Variants in MTTP observed in about 807,000 individuals in gnomAD.
The protein encoded by MTTP is microsomal triglyceride transfer protein large subunit.
In MTTP, 49 loss-of-function variants were observed where a neutral mutation model predicts 90.6. The observed-to-expected ratio is 0.54, with a 90% CI of 0.43 to 0.69. The LOEUF is 0.69. Among genes scored for constraint, MTTP ranks in the 30% least tolerant of loss-of-function variants. The pLI is 0.00. For missense variants in MTTP, 945 were observed against 1,067.5 expected, an observed-to-expected ratio of 0.89 and a Z score of 1.60; for synonymous variants, 347 against 384.2, an observed-to-expected ratio of 0.90 and a Z score of 1.13.
In MTTP at chr4:99,623,803, T is replaced by G. The variant is rs1464795253; in HGVS notation, c.*955T>G. 6.6e-6 allele frequency: 1 copy of G among 152,222 alleles called. No homozygotes were observed. The highest frequency in any genetic ancestry group is 2.4e-5 in the African/African-American group (1 of 41,450). The allele number at this position is 152,222 out of a possible 1,614,324, so 9.4% of individuals were successfully genotyped here. A position where few individuals can be genotyped will look rare whatever the true frequency, so the allele number is the denominator to read the frequency against. On this transcript the variant is annotated 3_prime_UTR_variant, in exon 18 of 18. Transcript: ENST00000265517. ...ATATGAAATAAGGAAAAAAATGTTT[T>G]TATTTGTATGAATTAAAAGATCCAT...
Position 99,623,190 on chromosome 4 carries a change from A to C in MTTP, c.*342A>C. 1 of 328,246 alleles carries C rather than the reference A, an allele frequency of 3.0e-6. No homozygotes were observed. The highest frequency in any genetic ancestry group is 5.8e-6 in the Non-Finnish European group (1 of 171,890). 20.3% of individuals were successfully genotyped at this position (328,246 alleles called of 1,614,324 possible). ...AACAAAACCACACAAGGAGAACCCA[A>C]TTTTGTTTCAACAATTTTTGATCAA... is the stretch of plus-strand genomic sequence containing the variant. On this transcript the variant is annotated 3_prime_UTR_variant, in exon 18 of 18. Coordinates refer to ENST00000265517, the MANE Select transcript of MTTP (RefSeq NM_001386140.1).
At chr4:99,605,869 A>ATGTGTGTGTGTGTG (rs111417359) in intron 10 of MTTP, among the ~76,000 whole-genome samples, 1,717 of 149,274 alleles carry the variant, frequency 0.012, 25 homozygotes, top group African/African-American at 0.032. Context: ...AACCCCATGT[A>ATGTGTGTGTGTGTG]TGTGTGTGTG....
At chr4:99,611,861 C>G (rs956937306) in intron 14 of MTTP, among the ~76,000 whole-genome samples, 1 of 152,118 alleles carries the variant, frequency 6.6e-6, no homozygotes, top group South Asian at 2.1e-4. Context: ...CTGGTTGTTT[C>G]TATGAAGAGA....
At chr4:99,609,100 G>A (rs1725892204) in intron 12 of MTTP, 123 bp downstream of exon 12, 1 of 992,164 alleles carries the variant, frequency 1.0e-6, no homozygotes, top group East Asian at 2.5e-5. Flanking sequence ...AAACCAAAGA[G>A]TGCCAGATTT....
intron 2 of MTTP, among the ~76,000 whole-genome samples, chr4:99,582,366 A>G (rs1202981892): frequency 6.6e-6 from 1 of 152,210 alleles, no homozygotes; most frequent in Non-Finnish European, 1.5e-5. Context: ...GGGAAGTTAT[A>G]CTAGAGTCTT....
Position 99,580,287 on chromosome 4 carries a change from A to G in MTTP, c.62-1618A>G, listed in dbSNP as rs1428369934. On this transcript the variant is annotated intron_variant, in intron 1 of 17. Coordinates refer to ENST00000265517, the MANE Select transcript of MTTP (RefSeq NM_001386140.1). ...TTAGAGACAGACAGCCTGGATTAAA[A>G]TCATATCTCCAGCCAGACGTGGTAG... is the stretch of plus-strand genomic sequence containing the variant. Among the ~76,000 whole-genome samples the G allele has an allele frequency of 2.6e-5, 4 of 151,706 alleles. No homozygotes were observed. The South Asian group carries it at 6.2e-4, about 24-fold the overall frequency.
At chr4:99,570,887 A>G (rs1352526581), upstream of MTTP, 6 of 416,814 alleles carry the variant, frequency 1.4e-5, no homozygotes, top group East Asian at 4.2e-4. Context: ...ATTCTCCCCT[A>G]AAGCCTCCAG....
At chr4:99,605,743 T>C (rs906277439) in intron 10 of MTTP, among the ~76,000 whole-genome samples, 2 of 152,156 alleles carry the variant, frequency 1.3e-5, no homozygotes, top group Admixed American at 6.6e-5. Context: ...TTTTCACCAA[T>C]TTGATAGTTG....
chr4:99,570,022 GT>G (rs1170656691), upstream of MTTP, among the ~76,000 whole-genome samples: 25 of 147,412 alleles, frequency 1.7e-4, no homozygotes, highest in South Asian at 1.3e-3. Flanking sequence ...CATTTTTAAT[GT>G]TTTTTTTTTG....
intron 11 of MTTP, among the ~76,000 whole-genome samples, chr4:99,607,573 G>A (rs1169313472): frequency 6.6e-6 from 1 of 152,062 alleles, no homozygotes; most frequent in Admixed American, 6.6e-5. Flanking sequence ...ATATCTGAGA[G>A]CAAAGCCAAG....
chr4:99,578,472 C>T (rs1725021040), intron 1 of MTTP, among the ~76,000 whole-genome samples: 1 of 152,194 alleles, frequency 6.6e-6, no homozygotes, highest in African/African-American at 2.4e-5. Context: ...GAGGATGACA[C>T]TCTAGCACAG....
chr4:99,620,834 G>A (rs1476915556), intron 16 of MTTP: 2 of 560,232 alleles, frequency 3.6e-6, no homozygotes, highest in Admixed American at 3.1e-5. Context: ...ACTGAAGGCA[G>A]GGGAGAGCTC....
At chr4:99,591,147 A>G (rs984477120) in intron 4 of MTTP, 88 bp from the exon 5 acceptor site, 3 of 948,016 alleles carry the variant, frequency 3.2e-6, no homozygotes, top group African/African-American at 3.2e-5. Flanking sequence ...ATGGCCTATT[A>G]GAGACCTCAA....
At chr4:99,614,284 T>C (rs893185222) in intron 15 of MTTP, among the ~76,000 whole-genome samples, 3 of 152,184 alleles carry the variant, frequency 2.0e-5, no homozygotes, top group Non-Finnish European at 4.4e-5. Flanking sequence ...TTTATCAGCT[T>C]TTTTGTTTGC....
chr4:99,578,825 C>G (rs1003972038), intron 1 of MTTP, among the ~76,000 whole-genome samples: 1 of 152,180 alleles, frequency 6.6e-6, no homozygotes, highest in South Asian at 2.1e-4. Flanking sequence ...GGGTCAGCTT[C>G]TATCTGCTGT....
chr4:99,581,324 C>T (rs1269110454), intron 1 of MTTP, among the ~76,000 whole-genome samples: 7 of 152,116 alleles, frequency 4.6e-5, no homozygotes, highest in East Asian at 3.9e-4. Context: ...TTATTTTATT[C>T]GGGCACAGCT....
intron 5 of MTTP, 43 bp downstream of exon 5, chr4:99,591,394 A>G: frequency 1.4e-6 from 2 of 1,392,008 alleles, no homozygotes; most frequent in Non-Finnish European, 2.0e-6. Flanking sequence ...AAATAATTAC[A>G]TTTTGTAGAG....
intron 15 of MTTP, among the ~76,000 whole-genome samples, chr4:99,618,117 A>G (rs1391559591): frequency 2.0e-5 from 3 of 152,254 alleles, no homozygotes; most frequent in Non-Finnish European, 1.5e-5. Flanking sequence ...CATAACAGCA[A>G]CATAGCATTT....
exon 1 of MTTP, chr4:99,564,233 T>C: frequency 6.5e-7 from 1 of 1,535,634 alleles, no homozygotes; most frequent in South Asian, 1.2e-5. Context: ...CATTCATATA[T>C]TCTTGTGAGT....
Sources: gnomAD v4.1 joint callset for allele counts (sites outside exome capture counted in the v4.1 genomes callset) on GRCh38, gnomAD v4.1.1 for gene constraint, MANE v1.5 for transcripts, NCBI Gene and HGNC (gene_info 2026-07-23, HGNC 2026-07-21) for gene names.